Variants in RHOG observed in about 807,000 individuals in gnomAD.
The protein encoded by RHOG is ras homolog family member G.
Under a neutral mutation model 12.3 loss-of-function variants are expected in RHOG, and 1 was observed. The observed-to-expected ratio is 0.08, with a 90% CI of 0.03 to 0.39. The LOEUF (loss-of-function observed/expected upper bound fraction) is 0.39. RHOG is among the 10% of genes least tolerant of loss of function. The pLI is 0.99. For synonymous variants in RHOG, 129 were observed against 116.0 expected, an observed-to-expected ratio of 1.11 and a Z score of -0.72; for missense variants, 114 against 266.2, an observed-to-expected ratio of 0.43 and a Z score of 3.98.
chr11:3,839,023 C>T (rs975619625), intron 1 of RHOG, among the ~76,000 whole-genome samples: 5 of 152,200 alleles, frequency 3.3e-5, no homozygotes, highest in African/African-American at 1.2e-4. Context: ...CTAGGCAGGC[C>T]CCAGAAGGTA....
intron 1 of RHOG, among the ~76,000 whole-genome samples, chr11:3,835,151 G>A (rs1455107685): frequency 2.0e-5 from 3 of 152,182 alleles, no homozygotes. Flanking sequence ...GGAGTGTCTA[G>A]AGGGCAAGGT....
At chr11:3,836,891 A>C (rs1473597531) in intron 1 of RHOG, among the ~76,000 whole-genome samples, 1 of 128,552 alleles carries the variant, frequency 7.8e-6, no homozygotes, top group African/African-American at 3.1e-5. Flanking sequence ...TGACAGAGCA[A>C]GACTCCATCT....
chr11:3,839,602 A>ACACACAC (rs2090178871), intron 1 of RHOG, among the ~76,000 whole-genome samples: 1 of 141,598 alleles, frequency 7.1e-6, no homozygotes, highest in African/African-American at 2.6e-5. Context: ...CACACACGCA[A>ACACACAC]ACACACACAC....
intron 1 of RHOG, among the ~76,000 whole-genome samples, chr11:3,831,757 C>G (rs1025175613): frequency 1.3e-5 from 2 of 152,284 alleles, no homozygotes; most frequent in Middle Eastern, 3.4e-3. Context: ...ACGTGGGAAG[C>G]CTTGACATTC....
rs368531627 is a variant in RHOG, at chr11:3,827,878, C to T, written c.261G>A (p.Pro87=). 53 of 1,614,106 alleles carry T rather than the reference C, an allele frequency of 3.3e-5. No homozygotes were observed. Among genetic ancestry groups the T allele is most frequent in the Middle Eastern group, 1.6e-4 (1 of 6,062 alleles). The change falls in exon 2 of 2, where the codon CCG becomes CCA. Residue 87 remains proline, a synonymous_variant. Coordinates refer to ENST00000351018, the MANE Select transcript of RHOG (RefSeq NM_001665.4). This position sits in a 1 kb window ranked among gnomAD's most constrained non-coding sequence, Gnocchi z 7.3. ...VFVICFSIAS[P]PSYENVRHKW... ...TGTGCCGCACGTTCTCATAGGACGG[C>T]GGACTGGCAATGGAGAAACAGATGA...
intron 1 of RHOG, among the ~76,000 whole-genome samples, chr11:3,830,043 G>A (rs999608626): frequency 2.0e-5 from 3 of 152,174 alleles, no homozygotes; most frequent in African/African-American, 4.8e-5. Flanking sequence ...CACCATGCCC[G>A]GCCTGGAGCA....
At chr11:3,831,937 G>A (rs577375262) in intron 1 of RHOG, among the ~76,000 whole-genome samples, 2 of 152,304 alleles carry the variant, frequency 1.3e-5, no homozygotes, top group East Asian at 3.9e-4. Context: ...GCTCTCTAAA[G>A]AGGTGGTTAT....
chr11:3,831,178 C>G (rs374257658), intron 1 of RHOG, among the ~76,000 whole-genome samples: 1 of 152,136 alleles, frequency 6.6e-6, no homozygotes, highest in African/African-American at 2.4e-5. Context: ...GCTCTCACCA[C>G]TGGTTCAGAA....
chr11:3,835,927 G>C (rs1222376643), intron 1 of RHOG, among the ~76,000 whole-genome samples: 1 of 152,064 alleles, frequency 6.6e-6, no homozygotes, highest in East Asian at 1.9e-4. Context: ...CAGCTGGGCT[G>C]GGAGGAGGAA....
intron 1 of RHOG, among the ~76,000 whole-genome samples, chr11:3,836,051 T>C (rs1590479978): frequency 2.2e-5 from 2 of 91,012 alleles, no homozygotes; most frequent in Middle Eastern, 0.011. Flanking sequence ...GTTCCTAGCC[T>C]TAAAAAAAAA....
chr11:3,833,347 T>C (rs1325274177), intron 1 of RHOG, among the ~76,000 whole-genome samples: 2 of 152,232 alleles, frequency 1.3e-5, no homozygotes, highest in Non-Finnish European at 2.9e-5. Flanking sequence ...CTTGAACTCC[T>C]GGTCTCAAGT....
At chr11:3,831,078 C>T (rs1263177082) in intron 1 of RHOG, among the ~76,000 whole-genome samples, 2 of 152,142 alleles carry the variant, frequency 1.3e-5, no homozygotes, top group African/African-American at 2.4e-5. Context: ...TCCACCCAAG[C>T]ACCATCAACA....
chr11:3,839,485 AACACACACACACAC>A (rs71041402), intron 1 of RHOG, among the ~76,000 whole-genome samples: 1,435 of 141,992 alleles, frequency 0.01, 21 homozygotes, highest in African/African-American at 0.033. Context: ...CGCGCGCGCG[AACACACACACACAC>A]ACACACACAC....
At chr11:3,829,373 C>T (rs2090112754) in intron 1 of RHOG, among the ~76,000 whole-genome samples, 2 of 151,404 alleles carry the variant, frequency 1.3e-5, no homozygotes, top group African/African-American at 4.9e-5. Context: ...GCCTCAGCCT[C>T]CCGAGTGGCT....
chr11:3,831,361 T>C (rs889693517), intron 1 of RHOG, among the ~76,000 whole-genome samples: 2 of 152,142 alleles, frequency 1.3e-5, no homozygotes, highest in Admixed American at 1.3e-4. Flanking sequence ...TGAAGTTGTG[T>C]CTCTGGTTCA....
chr11:3,839,002 G>A (rs570044421), intron 1 of RHOG, among the ~76,000 whole-genome samples: 9 of 152,294 alleles, frequency 5.9e-5, no homozygotes, highest in Admixed American at 1.3e-4. Flanking sequence ...CAGGGCATGC[G>A]GGTACCCAGC....
In RHOG at chr11:3,827,227, A is replaced by G. The variant is rs1000052163; in HGVS notation, c.*336T>C. 2 of 318,494 alleles carry G rather than the reference A, an allele frequency of 6.3e-6. No individual in the cohort carries two copies. The highest frequency in any genetic ancestry group is 1.0e-4 in the South Asian group (2 of 19,510). 19.7% of individuals were successfully genotyped at this position (318,494 alleles called of 1,614,324 possible). The stretch of plus-strand genomic sequence containing the variant: ...GCCCCTAACCTGAGGCGGCACCACA[A>G]TAGGCAGCAACAACTGTGTGGAAAG... On this transcript the variant is annotated 3_prime_UTR_variant, in exon 2 of 2. Coordinates refer to ENST00000351018, the MANE Select transcript of RHOG (RefSeq NM_001665.4). This position sits in a 1 kb window ranked among gnomAD's most constrained non-coding sequence, Gnocchi z 7.3.
intron 1 of RHOG, among the ~76,000 whole-genome samples, chr11:3,835,895 T>C (rs184170466): frequency 0.042 from 6,278 of 149,660 alleles, 368 homozygotes; most frequent in African/African-American, 0.13. Context: ...ATAAAGAGGC[T>C]CAAAGGGGCT....
At chr11:3,831,264 C>T (rs972356142) in intron 1 of RHOG, among the ~76,000 whole-genome samples, 5 of 152,152 alleles carry the variant, frequency 3.3e-5, no homozygotes, top group Admixed American at 3.3e-4. Flanking sequence ...CATGTGGGGG[C>T]TGCAAAGGAC....
Sources: gnomAD v4.1 joint callset for allele counts (sites outside exome capture counted in the v4.1 genomes callset) on GRCh38, gnomAD v4.1.1 for gene constraint, Gnocchi (gnomAD v3.1) non-coding constraint, MANE v1.5 for transcripts, NCBI Gene and HGNC (gene_info 2026-07-23, HGNC 2026-07-21) for gene names.